The following SLITRK5 variants were observed in gnomAD, a reference collection of about 807,000 sequenced individuals.
SLITRK5 encodes SLIT and NTRK like family member 5, also known as SLIT and NTRK-like protein 5.
Under a neutral mutation model 56.2 loss-of-function variants are expected in SLITRK5, and 23 were observed. The observed-to-expected ratio is 0.41, with a 90% CI of 0.29 to 0.58. The LOEUF is 0.58. SLITRK5 is among the 20% of genes least tolerant of loss of function. SLITRK5 has a pLI of 0.30. For synonymous variants in SLITRK5, 637 were observed against 531.8 expected, an observed-to-expected ratio of 1.20 and a Z score of -2.72; for missense variants, 1,289 against 1,226.6, an observed-to-expected ratio of 1.05 and a Z score of -0.76.
At chr13:87,674,339 A>T (rs1566318825) in intron 1 of SLITRK5, 1 of 953,292 alleles carries the variant, frequency 1.0e-6, no homozygotes, top group Non-Finnish European at 1.2e-6. Flanking sequence ...AAAGATGGGG[A>T]TGCTGTCGAG....
chr13:87,672,278 G>T (rs185684080), intron 1 of SLITRK5, among the ~76,000 whole-genome samples, 69 bp downstream of exon 1: 1,895 of 152,228 alleles, frequency 0.012, 22 homozygotes, highest in South Asian at 0.02. Context: ...GCCTTAACAC[G>T]TATTGGAGCG....
At position 87,676,377 on chromosome 13, in the gene SLITRK5, C is replaced by T. The variant is rs1877274614; in HGVS notation, c.989C>T (p.Pro330Leu). Residue 330 changes from proline to leucine, a missense_variant, in exon 2 of 2, where the codon CCC becomes CTC. Physicochemically the swap from Pro to Leu is moderately conservative, Grantham distance 98. Coordinates refer to ENST00000683689, the MANE Select transcript of SLITRK5 (RefSeq NM_001384609.1). Reference sequence around the variant, plus strand: ...GCTGTTTACAAACCCCCTTTGAAGCCCCCTAAGGGGACTCGCCAACCCAAC... The same window carrying T: ...GCTGTTTACAAACCCCCTTTGAAGCTCCCTAAGGGGACTCGCCAACCCAAC... The part of the protein sequence containing the change: ...SSAVYKPPLK[P>L]PKGTRQPNKP... 6.2e-7 allele frequency: 1 copy of T among 1,614,106 alleles called. No individual in the cohort carries two copies. Among genetic ancestry groups the T allele is most frequent in the Non-Finnish European group, 8.5e-7 (1 of 1,180,022 alleles).
chr13:87,676,769 C>T lies in SLITRK5; in HGVS notation c.1381C>T (p.Arg461Cys). The change falls in exon 2 of 2, where the codon CGC becomes TGC. Residue 461 changes from arginine (R) to cysteine (C), a missense_variant. Transcript: ENST00000683689. ...RAFGDLTNLR[R>C]LYLNGNRIER... Reference sequence around the variant, plus strand: ...TTTCGGGGATCTCACCAACCTGAGGCGCCTCTACCTGAATGGCAACAGGAT... The same window carrying T: ...TTTCGGGGATCTCACCAACCTGAGGTGCCTCTACCTGAATGGCAACAGGAT... The T allele has an allele frequency of 6.2e-7, 1 of 1,614,086 alleles. No individual in the cohort carries two copies. Among genetic ancestry groups the T allele is most frequent in the Non-Finnish European group, 8.5e-7 (1 of 1,180,024 alleles).
intron 1 of SLITRK5, chr13:87,674,392 A>G: frequency 2.0e-6 from 2 of 985,328 alleles, no homozygotes; most frequent in Non-Finnish European, 2.4e-6. Context: ...TTGCAAATAG[A>G]CGCGGAGCCC....
Position 87,675,932 on chromosome 13 carries a change from C to T in SLITRK5, c.544C>T (p.Leu182Phe). 1.2e-6 allele frequency: 2 copies of T among 1,614,150 alleles called. No individual in the cohort carries two copies. The highest frequency in any genetic ancestry group is 1.7e-6 in the Non-Finnish European group (2 of 1,180,030). ...AFGKLHLLQVLILNDNLLSSL... is the reference protein window; with the variant it reads ...AFGKLHLLQVFILNDNLLSSL... ...TGGGAAACTGCATTTGTTGCAGGTG[C>T]TTATCCTCAATGACAATCTTTTGTC... Residue 182 changes from leucine (L) to phenylalanine (F), a missense_variant, in exon 2 of 2, where the codon CTT becomes TTT. Leu to Phe is a conservative substitution (Grantham distance 22). Coordinates refer to ENST00000683689, the MANE Select transcript of SLITRK5 (RefSeq NM_001384609.1).
rs377268704 is a variant in SLITRK5 at position 87,672,080 on chromosome 13, G to T, written c.-138G>T. 6.6e-6 allele frequency among the ~76,000 whole-genome samples: 1 copy of T among 152,100 alleles called. No individual in the cohort carries two copies. The highest frequency in any genetic ancestry group is 1.5e-5 in the Non-Finnish European group (1 of 68,008). ...AATGTGGTGAAGACGGCGAGGAGGA[G>T]AGCCGAGGGGGGAGGGGAGGGCCGG... On this transcript the variant is annotated 5_prime_UTR_variant, in exon 1 of 2. Coordinates refer to ENST00000683689, the MANE Select transcript of SLITRK5 (RefSeq NM_001384609.1).
At chr13:87,673,866 T>C (rs962469246) in intron 1 of SLITRK5, among the ~76,000 whole-genome samples, 4 of 151,702 alleles carry the variant, frequency 2.6e-5, no homozygotes, top group African/African-American at 9.7e-5. Context: ...TAGTTTGGAG[T>C]TGCAATTCGA....
chr13:87,678,350 T>C lies in SLITRK5; in HGVS notation c.*85T>C, dbSNP rs1366773400. The C allele has an allele frequency of 7.6e-7, 1 of 1,322,898 alleles. No homozygotes were observed. Among genetic ancestry groups the C allele is most frequent in the Non-Finnish European group, 1.0e-6 (1 of 957,030 alleles). 81.9% of individuals were successfully genotyped at this position (1,322,898 alleles called of 1,614,324 possible). A position where few individuals can be genotyped will look rare whatever the true frequency, so the allele number is the denominator to read the frequency against. On this transcript the variant is annotated 3_prime_UTR_variant, in exon 2 of 2. Transcript: ENST00000683689. ...CAGTGAACACATTTGATTAATTGTG[T>C]TGTTTCAACGTTTAGGGTGAAGTGC...
At chr13:87,673,083 G>A (rs936169637) in intron 1 of SLITRK5, among the ~76,000 whole-genome samples, 1 of 151,846 alleles carries the variant, frequency 6.6e-6, no homozygotes, top group South Asian at 2.1e-4. Flanking sequence ...TGCGGCCTGG[G>A]TGCTGGGCTC....
In SLITRK5 at chr13:87,678,563, G is replaced by A. The variant is rs1593975779; in HGVS notation, c.*298G>A. Reference sequence around the variant, plus strand: ...CGCGGGTGACCTGTGAAAGGTCACAGTCATTTTTGTAGTGGTTGGAAGTGC... The same window carrying A: ...CGCGGGTGACCTGTGAAAGGTCACAATCATTTTTGTAGTGGTTGGAAGTGC... On this transcript the variant is annotated 3_prime_UTR_variant, in exon 2 of 2. Coordinates refer to ENST00000683689, the MANE Select transcript of SLITRK5 (RefSeq NM_001384609.1). The A allele has an allele frequency of 8.0e-6, 3 of 374,802 alleles. No homozygotes were observed. In the East Asian group the frequency reaches 1.4e-4, roughly 18 times the overall value. The allele number at this position is 374,802 out of a possible 1,614,324, so 23.2% of individuals were successfully genotyped here.
chr13:87,672,226 G>T lies in SLITRK5; in HGVS notation c.-9+17G>T, dbSNP rs1482538204. ...ATGGCAACTGTGAGTACCCCTGTGG[G>T]GGGGAGGGTGCAGCGAAGGCTGCCA... On this transcript the variant is annotated intron_variant, in intron 1 of 1. Transcript: ENST00000683689. 6.6e-6 allele frequency among the ~76,000 whole-genome samples: 1 copy of T among 152,128 alleles called. No homozygotes were observed. Among genetic ancestry groups the T allele is most frequent in the Non-Finnish European group, 1.5e-5 (1 of 68,030 alleles).
In SLITRK5 at chr13:87,677,512, C is replaced by T. The variant is rs142662403; in HGVS notation, c.2124C>T (p.Ser708=). The stretch of plus-strand genomic sequence containing the variant: ...CCAGCACCAACAACTCCGACGTGAG[C>T]TCCTTTAACATGCAGTACAGCGTGT... ...DHTSTNNSDV[S]SFNMQYSVYG... The change falls in exon 2 of 2, where the codon AGC becomes AGT. Residue 708 remains serine, a synonymous_variant. Coordinates refer to ENST00000683689, the MANE Select transcript of SLITRK5 (RefSeq NM_001384609.1). This position sits in a 1 kb window ranked among gnomAD's most constrained non-coding sequence, Gnocchi z 4.7. 8.1e-6 allele frequency: 13 copies of T among 1,612,070 alleles called. No individual in the cohort carries two copies. Among genetic ancestry groups the T allele is most frequent in the Non-Finnish European group, 1.1e-5 (13 of 1,179,840 alleles).
Position 87,678,047 on chromosome 13 carries a change from T to A in SLITRK5, c.2659T>A (p.Tyr887Asn), listed in dbSNP as rs1396706127. Reference protein sequence around the residue: ...YPKFPCSPAAYTFSPNYDLRR... With the variant: ...YPKFPCSPAANTFSPNYDLRR... ...CAAATTCCCGTGCAGCCCCGCTGCTTACACTTTCTCCCCCAACTATGACCT... is the reference window on the plus strand; with the variant it reads ...CAAATTCCCGTGCAGCCCCGCTGCTAACACTTTCTCCCCCAACTATGACCT... The change falls in exon 2 of 2, where the codon TAC (tyrosine) becomes AAC (asparagine). Residue 887 changes from tyrosine (Y) to asparagine (N), a missense_variant. Tyr to Asn is a moderately radical substitution (Grantham distance 143). Coordinates refer to ENST00000683689, the MANE Select transcript of SLITRK5 (RefSeq NM_001384609.1). 1.9e-6 allele frequency: 3 copies of A among 1,614,094 alleles called. No homozygotes were observed. Among genetic ancestry groups the A allele is most frequent in the Admixed American group, 3.3e-5 (2 of 60,026 alleles).
rs201788229 is a variant in SLITRK5, at chr13:87,677,169, C to T, written c.1781C>T (p.Ala594Val). Reference protein sequence around the residue: ...GVLVDEVICKAPKKFAETDMR... With the variant: ...GVLVDEVICKVPKKFAETDMR... ...CTAGTGGACGAGGTGATCTGTAAGG[C>T]GCCCAAAAAATTCGCTGAGACCGAC... is the stretch of plus-strand genomic sequence containing the variant. The change falls in exon 2 of 2, where the codon GCG becomes GTG. Residue 594 changes from alanine to valine, a missense_variant. Physicochemically the swap from Ala to Val is moderately conservative, Grantham distance 64. This residue lies in a region of SLITRK5 where 985 missense variants were observed against 906.0 expected (regional missense o/e 1.09). Transcript: ENST00000683689. The surrounding 1 kb of genome is among the most constrained non-coding windows in gnomAD (Gnocchi z 4.7). 6.2e-7 allele frequency: 1 copy of T among 1,614,118 alleles called. No individual in the cohort carries two copies. The highest frequency in any genetic ancestry group is 2.2e-5 in the East Asian group (1 of 44,844).
chr13:87,677,917 C>G lies in SLITRK5; in HGVS notation c.2529C>G (p.Asp843Glu). Residue 843 changes from aspartate to glutamate, a missense_variant, in exon 2 of 2, where the codon GAC becomes GAG. Asp to Glu is a conservative substitution (Grantham distance 45). This residue lies in a region of SLITRK5 where 985 missense variants were observed against 906.0 expected (regional missense o/e 1.09). Transcript: ENST00000683689. The surrounding 1 kb of genome is among the most constrained non-coding windows in gnomAD (Gnocchi z 4.7). Reference protein sequence around the residue: ...YSVSTIEPREDLLSPVQDADR... With the variant: ...YSVSTIEPREELLSPVQDADR... ...TCAGCACCATCGAGCCCCGGGAGGA[C>G]CTGCTGTCGCCGGTGCAGGACGCCG... 3.1e-6 allele frequency: 5 copies of G among 1,613,740 alleles called. No homozygotes were observed. The highest frequency in any genetic ancestry group is 4.2e-6 in the Non-Finnish European group (5 of 1,179,826).
chr13:87,677,308 G>A lies in SLITRK5; in HGVS notation c.1920G>A (p.Ala640=), dbSNP rs1566321164. 6.2e-7 allele frequency: 1 copy of A among 1,614,144 alleles called. No individual in the cohort carries two copies. ...CGAGGACCAGCGCCGTGACTCCTGCGGTCCGGTTGAATAGCACCGGGGCCC... is the reference window on the plus strand; with the variant it reads ...CGAGGACCAGCGCCGTGACTCCTGCAGTCCGGTTGAATAGCACCGGGGCCC... ...VPARTSAVTP[A]VRLNSTGAPA... The change falls in exon 2 of 2, where the codon GCG becomes GCA. Residue 640 remains alanine, a synonymous_variant. Transcript: ENST00000683689. The surrounding 1 kb of genome is among the most constrained non-coding windows in gnomAD (Gnocchi z 4.7).
chr13:87,674,205 A>T (rs1877172248), intron 1 of SLITRK5, among the ~76,000 whole-genome samples: 1 of 152,082 alleles, frequency 6.6e-6, no homozygotes, highest in Non-Finnish European at 1.5e-5. Flanking sequence ...CAACTGACCT[A>T]AGTCGCTTAC....
chr13:87,672,985 G>A (rs972204116), intron 1 of SLITRK5, among the ~76,000 whole-genome samples: 3 of 150,840 alleles, frequency 2.0e-5, no homozygotes, highest in African/African-American at 4.9e-5. Flanking sequence ...TCTTTGGGGC[G>A]GGGTGGGGGA....
chr13:87,677,805 A>G lies in SLITRK5; in HGVS notation c.2417A>G (p.Gln806Arg), dbSNP rs1877360261. The change falls in exon 2 of 2, where the codon CAG becomes CGG. Residue 806 changes from glutamine (Q) to arginine (R), a missense_variant. Physicochemically the swap from Gln to Arg is conservative, Grantham distance 43. This residue lies in a region of SLITRK5 where 985 missense variants were observed against 906.0 expected (regional missense o/e 1.09). Transcript: ENST00000683689. This position sits in a 1 kb window ranked among gnomAD's most constrained non-coding sequence, Gnocchi z 4.7. ...CCGCCGCCGCCACCGCAGCAGCCAC[A>G]GCAGCAGCCCCCGCCGCAGCTGCAG... ...QQPPPPPQQPQQQPPPQLQLQ... is the reference protein window; with the variant it reads ...QQPPPPPQQPRQQPPPQLQLQ... 6.2e-7 allele frequency: 1 copy of G among 1,609,370 alleles called. No individual in the cohort carries two copies. Among genetic ancestry groups the G allele is most frequent in the Non-Finnish European group, 8.5e-7 (1 of 1,178,070 alleles).
Sources: allele counts gnomAD v4.1 joint callset (sites outside exome capture counted in the v4.1 genomes callset), GRCh38; gene constraint gnomAD v4.1.1; regional missense constraint gnomAD v4.1.1; non-coding constraint Gnocchi (gnomAD v3.1); transcripts MANE v1.5; gene names NCBI Gene and HGNC (gene_info 2026-07-23, HGNC 2026-07-21).